The following TBC1D2B variants were observed in gnomAD, a reference collection of about 807,000 sequenced individuals.
The protein encoded by TBC1D2B is TBC1 domain family member 2B.
Under a neutral mutation model 100.8 loss-of-function variants are expected in TBC1D2B, and 64 were observed. The ratio of observed to expected loss-of-function variants is 0.64; its 90% CI spans 0.52 to 0.78. The LOEUF (loss-of-function observed/expected upper bound fraction) is 0.78. Among genes scored for constraint, TBC1D2B ranks in the 30% least tolerant of loss-of-function variants. TBC1D2B has a pLI of 0.00. For synonymous variants in TBC1D2B, 480 were observed against 479.7 expected (o/e 1.00, Z -0.01); for missense variants, 1,052 against 1,218.4 (o/e 0.86, Z 2.03).
intron 1 of TBC1D2B, among the ~76,000 whole-genome samples, chr15:78,076,790 T>C (rs574671444): frequency 6.6e-6 from 1 of 152,300 alleles, no homozygotes; most frequent in Admixed American, 6.5e-5. Context: ...GCACTGACAT[T>C]TACTGAGCAG....
chr15:78,059,687 T>C (rs1267818531), intron 1 of TBC1D2B, among the ~76,000 whole-genome samples: 3 of 152,200 alleles, frequency 2.0e-5, no homozygotes, highest in Non-Finnish European at 4.4e-5. Flanking sequence ...AGGTCTCCAG[T>C]AGCTCAAAAC....
intron 3 of TBC1D2B, among the ~76,000 whole-genome samples, chr15:78,039,322 A>AT (rs1274408377): frequency 1.3e-5 from 2 of 152,212 alleles, no homozygotes; most frequent in African/African-American, 4.8e-5. Flanking sequence ...AGTCACTGTC[A>AT]TGACTTTACG....
chr15:78,050,618 CT>C (rs1219582676), intron 2 of TBC1D2B, among the ~76,000 whole-genome samples: 3 of 152,290 alleles, frequency 2.0e-5, no homozygotes, highest in African/African-American at 7.2e-5. Context: ...GCAAATTACT[CT>C]TTTATGTTGA....
At chr15:78,038,351 A>G (rs921228670) in intron 3 of TBC1D2B, among the ~76,000 whole-genome samples, 11 of 152,234 alleles carry the variant, frequency 7.2e-5, no homozygotes, top group Non-Finnish European at 1.6e-4. Context: ...AGGAACAGAG[A>G]AGGCTTCTCT....
At chr15:78,069,325 A>G (rs2073710276) in intron 1 of TBC1D2B, among the ~76,000 whole-genome samples, 1 of 152,124 alleles carries the variant, frequency 6.6e-6, no homozygotes. Flanking sequence ...CCCTAGCCAC[A>G]CACACACCTG....
At chr15:78,052,635 G>A (rs62011515) in intron 2 of TBC1D2B, among the ~76,000 whole-genome samples, 8 of 152,226 alleles carry the variant, frequency 5.3e-5, no homozygotes, top group African/African-American at 1.2e-4. Context: ...TCCTCCTTTC[G>A]GTTTAATATC....
intron 8 of TBC1D2B, among the ~76,000 whole-genome samples, chr15:78,015,118 G>A (rs1196847105): frequency 1.3e-5 from 2 of 152,204 alleles, no homozygotes; most frequent in East Asian, 3.9e-4. Flanking sequence ...GGAGAATGGC[G>A]TGAACCCGGG....
intron 10 of TBC1D2B, 149 bp downstream of exon 10, chr15:78,008,848 C>A: frequency 1.6e-6 from 1 of 627,028 alleles, no homozygotes; most frequent in Non-Finnish European, 2.8e-6. Flanking sequence ...TGGGGACAGC[C>A]TCTGAGATGT....
At position 77,995,052 on chromosome 15, in the gene TBC1D2B, G is replaced by C. The variant is rs1348781143; in HGVS notation, c.*3108C>G. On this transcript the variant is annotated 3_prime_UTR_variant, in exon 13 of 13. Coordinates refer to ENST00000300584, the MANE Select transcript of TBC1D2B (RefSeq NM_144572.2). ...GTTCCAAAACGTAACTTGAAGGTCA[G>C]CACAGGAGCTGCTGTGATATAAAAG... 6.6e-6 allele frequency: 1 copy of C among 152,218 alleles called. No individual in the cohort carries two copies. Among genetic ancestry groups the C allele is most frequent in the East Asian group, 1.9e-4 (1 of 5,200 alleles). The allele number at this position is 152,218 out of a possible 1,614,324, so 9.4% of individuals were successfully genotyped here.
intron 3 of TBC1D2B, among the ~76,000 whole-genome samples, chr15:78,037,758 A>G (rs968431795): frequency 2.0e-5 from 3 of 152,258 alleles, no homozygotes; most frequent in Admixed American, 6.5e-5. Flanking sequence ...TTTGAGGGTC[A>G]TGACAAGCAT....
intron 1 of TBC1D2B, among the ~76,000 whole-genome samples, chr15:78,054,892 T>G (rs911070844): frequency 2.0e-5 from 3 of 152,204 alleles, no homozygotes; most frequent in Non-Finnish European, 4.4e-5. Flanking sequence ...TGTGAATGTT[T>G]ATAGAGGTTT....
rs189804660 is a variant in TBC1D2B at position 78,018,474 on chromosome 15, C to T, written c.1471-517G>A. On this transcript the variant is annotated intron_variant, in intron 6 of 12. Transcript: ENST00000300584. ...CCTATGACCTAAAACGTATAAGGCA[C>T]GTAAGAGAACATATTCTTCAACACT... Among the ~76,000 whole-genome samples, 21 of 152,220 alleles carry T rather than the reference C, an allele frequency of 1.4e-4. No individual in the cohort carries two copies. In the East Asian group the frequency reaches 1.7e-3, roughly 13 times the overall value.
rs1423612842 is a variant in TBC1D2B, at chr15:78,029,996, T to C, written c.847+11A>G. On this transcript the variant is annotated intron_variant, in intron 4 of 12. Coordinates refer to ENST00000300584, the MANE Select transcript of TBC1D2B (RefSeq NM_144572.2). ...ACAGAGAATGACAGACAACAGGAAGTACATTGATACCTTTGTTTCCTTCAG... is the reference window on the plus strand; with the variant it reads ...ACAGAGAATGACAGACAACAGGAAGCACATTGATACCTTTGTTTCCTTCAG... 6.2e-7 allele frequency: 1 copy of C among 1,600,358 alleles called. No homozygotes were observed. Among genetic ancestry groups the C allele is most frequent in the Admixed American group, 1.7e-5 (1 of 57,498 alleles).
chr15:78,045,622 G>C (rs962154619), intron 2 of TBC1D2B, among the ~76,000 whole-genome samples: 1 of 152,222 alleles, frequency 6.6e-6, no homozygotes, highest in African/African-American at 2.4e-5. Flanking sequence ...GCTAAAGCAT[G>C]ATGAAACTTC....
rs965602564 is a variant in TBC1D2B at position 78,042,660 on chromosome 15, C to T, written c.683+2240G>A. Among the ~76,000 whole-genome samples, 5 of 152,142 alleles carry T rather than the reference C, an allele frequency of 3.3e-5. No homozygotes were observed. In the East Asian group the frequency reaches 9.6e-4, roughly 29 times the overall value. ...CCCTGGGTGCTGGGAGATGACTGGACTTAATCAGATGGCACAGGGCAGACA... is the reference window on the plus strand; with the variant it reads ...CCCTGGGTGCTGGGAGATGACTGGATTTAATCAGATGGCACAGGGCAGACA... On this transcript the variant is annotated intron_variant, in intron 3 of 12. Transcript: ENST00000300584.
intron 4 of TBC1D2B, 95 bp downstream of exon 4, chr15:78,029,912 T>G: frequency 9.4e-7 from 1 of 1,063,892 alleles, no homozygotes; most frequent in Non-Finnish European, 1.3e-6. Context: ...GTCCTTATGC[T>G]TCTCGAAATA....
At chr15:78,057,358 A>G (rs1040083197) in intron 1 of TBC1D2B, among the ~76,000 whole-genome samples, 4 of 152,132 alleles carry the variant, frequency 2.6e-5, no homozygotes, top group African/African-American at 9.7e-5. Context: ...AAAAACCTAA[A>G]CAGGCTGCTA....
At chr15:78,068,401 A>C (rs1350701711) in intron 1 of TBC1D2B, among the ~76,000 whole-genome samples, 2 of 151,654 alleles carry the variant, frequency 1.3e-5, no homozygotes, top group Non-Finnish European at 2.9e-5. Flanking sequence ...ACACACACAC[A>C]CACACACACA....
chr15:78,003,583 G>T, intron 10 of TBC1D2B, 93 bp from the exon 11 acceptor site: 1 of 887,476 alleles, frequency 1.1e-6, no homozygotes, highest in Non-Finnish European at 1.8e-6. Context: ...CCTGGGGGTG[G>T]AGCCCAAGTG....
Sources: allele counts gnomAD v4.1 joint callset (sites outside exome capture counted in the v4.1 genomes callset), GRCh38; gene constraint gnomAD v4.1.1; transcripts MANE v1.5; gene names NCBI Gene and HGNC (gene_info 2026-07-23, HGNC 2026-07-21).